The following UNC5D variants were observed in gnomAD, a reference collection of about 807,000 sequenced individuals.
UNC5D encodes the protein netrin receptor UNC5D.
UNC5D carries 39 observed loss-of-function variants against 105.4 expected under a neutral mutation model. That is an observed-to-expected ratio of 0.37 (90% confidence interval 0.29 to 0.48). UNC5D has a LOEUF of 0.48. Ranked by LOEUF, UNC5D falls within the 20% of genes least tolerant of loss-of-function variation. UNC5D has a pLI of 0.98. For missense variants in UNC5D, 991 were observed against 1,202.4 expected, an observed-to-expected ratio of 0.82 and a Z score of 2.60; for synonymous variants, 452 against 450.4, an observed-to-expected ratio of 1.00 and a Z score of -0.04.
At chr8:35,287,756 A>G (rs573137307) in intron 1 of UNC5D, among the ~76,000 whole-genome samples, 3 of 152,208 alleles carry the variant, frequency 2.0e-5, no homozygotes, top group East Asian at 1.9e-4. Flanking sequence ...GCAGTGAGCT[A>G]TGATTGCACC....
intron 16 of UNC5D, among the ~76,000 whole-genome samples, chr8:35,778,075 T>C (rs1341879724): frequency 6.6e-6 from 1 of 152,208 alleles, no homozygotes; most frequent in Non-Finnish European, 1.5e-5. Flanking sequence ...ATTTCCAAAA[T>C]ATCAGCCTTC....
At chr8:35,591,062 C>T (rs573870756) in intron 3 of UNC5D, among the ~76,000 whole-genome samples, 1 of 152,254 alleles carries the variant, frequency 6.6e-6, no homozygotes, top group Non-Finnish European at 1.5e-5. Context: ...AAACCGACAA[C>T]TTCCAAATAC....
chr8:35,561,014 A>G (rs990101643), intron 2 of UNC5D, among the ~76,000 whole-genome samples: 2 of 152,156 alleles, frequency 1.3e-5, no homozygotes, highest in African/African-American at 4.8e-5. Context: ...CCAAAGCACA[A>G]TGTGCAGTTC....
intron 1 of UNC5D, among the ~76,000 whole-genome samples, chr8:35,539,467 T>C (rs1277010696): frequency 1.3e-5 from 2 of 152,194 alleles, no homozygotes; most frequent in African/African-American, 2.4e-5. Context: ...CAAAAGTTAG[T>C]TGTCAATTTA....
At chr8:35,299,265 A>C (rs1050177134) in intron 1 of UNC5D, among the ~76,000 whole-genome samples, 2 of 152,198 alleles carry the variant, frequency 1.3e-5, no homozygotes, top group Non-Finnish European at 2.9e-5. Flanking sequence ...CAAACTGGCA[A>C]CGTTGGAAAC....
At chr8:35,463,001 C>G (rs1263243748) in intron 1 of UNC5D, among the ~76,000 whole-genome samples, 1 of 152,222 alleles carries the variant, frequency 6.6e-6, no homozygotes, top group Non-Finnish European at 1.5e-5. Context: ...ACACCACACT[C>G]TTATGTAATC....
chr8:35,245,205 A>G (rs1022092576), intron 1 of UNC5D, among the ~76,000 whole-genome samples: 54 of 152,294 alleles, frequency 3.5e-4, no homozygotes, highest in African/African-American at 1.3e-3. Context: ...AAAGCAGTTT[A>G]GTGGCACAAT....
chr8:35,675,083 A>G (rs544718584), intron 4 of UNC5D, among the ~76,000 whole-genome samples: 1 of 152,298 alleles, frequency 6.6e-6, no homozygotes, highest in South Asian at 2.1e-4. Context: ...TAATTCACAA[A>G]TCTTAAGTGA....
chr8:35,669,815 G>GA (rs200271831), intron 4 of UNC5D, among the ~76,000 whole-genome samples: 9 of 151,292 alleles, frequency 5.9e-5, no homozygotes, highest in Admixed American at 4.6e-4. Flanking sequence ...TATTTATGCA[G>GA]AAAAAAAAAT....
intron 16 of UNC5D, among the ~76,000 whole-genome samples, chr8:35,784,277 A>G (rs1802638490): frequency 6.6e-6 from 1 of 152,188 alleles, no homozygotes; most frequent in South Asian, 2.1e-4. Context: ...ATGAACTTAC[A>G]TAGATGAATG....
intron 9 of UNC5D, among the ~76,000 whole-genome samples, chr8:35,723,625 C>T (rs1563706593): frequency 6.6e-6 from 1 of 152,016 alleles, no homozygotes; most frequent in Admixed American, 6.6e-5. Context: ...AGGTTGGTCT[C>T]GAACTCCTGG....
At chr8:35,413,310 T>G (rs1368131346) in intron 1 of UNC5D, among the ~76,000 whole-genome samples, 29 of 95,146 alleles carry the variant, frequency 3.0e-4, no homozygotes, top group African/African-American at 1.0e-3. Flanking sequence ...GTGTGTGTGT[T>G]TTCTCTCTTC....
Position 35,794,476 on chromosome 8 carries a change from G to C in UNC5D, c.*3913G>C, listed in dbSNP as rs1803180487. 1 of 152,560 alleles carries C rather than the reference G, an allele frequency of 6.6e-6. No individual in the cohort carries two copies. The allele number at this position is 152,560 out of a possible 1,614,324, so 9.5% of individuals were successfully genotyped here. A position where few individuals can be genotyped will look rare whatever the true frequency, so the allele number is the denominator to read the frequency against. On this transcript the variant is annotated 3_prime_UTR_variant, in exon 17 of 17. Coordinates refer to ENST00000404895, the MANE Select transcript of UNC5D (RefSeq NM_080872.4). ...AGCAAAATGTTGGCCTACAGAGAAT[G>C]ACACAATTTTATTCGCCTTTGGTGT...
chr8:35,292,859 G>A (rs1297753886), intron 1 of UNC5D, among the ~76,000 whole-genome samples: 1 of 151,436 alleles, frequency 6.6e-6, no homozygotes, highest in Non-Finnish European at 1.5e-5. Flanking sequence ...TGGGATTACA[G>A]GCATGTGCCA....
intron 1 of UNC5D, among the ~76,000 whole-genome samples, chr8:35,367,393 A>G (rs1248358392): frequency 1.3e-5 from 2 of 152,136 alleles, no homozygotes; most frequent in African/African-American, 4.8e-5. Context: ...TTGACTTCAG[A>G]TATACTTTTT....
At chr8:35,366,443 T>C (rs1802131459) in intron 1 of UNC5D, among the ~76,000 whole-genome samples, 1 of 152,110 alleles carries the variant, frequency 6.6e-6, no homozygotes, top group Admixed American at 6.6e-5. Flanking sequence ...TAGATGTAAC[T>C]TCTCAGGCAG....
intron 1 of UNC5D, among the ~76,000 whole-genome samples, chr8:35,275,787 C>T (rs2128841880): frequency 6.6e-6 from 1 of 152,262 alleles, no homozygotes; most frequent in Non-Finnish European, 1.5e-5. Flanking sequence ...ATTGATTTGC[C>T]TTTAACTTCA....
At chr8:35,706,515 A>G (rs1482217753) in intron 8 of UNC5D, among the ~76,000 whole-genome samples, 1 of 152,134 alleles carries the variant, frequency 6.6e-6, no homozygotes, top group Non-Finnish European at 1.5e-5. Context: ...GCAGAGCTGG[A>G]GAGAGGAGAT....
intron 1 of UNC5D, among the ~76,000 whole-genome samples, chr8:35,445,937 A>G (rs1156361379): frequency 1.3e-5 from 2 of 152,106 alleles, no homozygotes; most frequent in Non-Finnish European, 2.9e-5. Flanking sequence ...TATGATGATT[A>G]TAATTTTATA....
Sources: allele counts gnomAD v4.1 joint callset (sites outside exome capture counted in the v4.1 genomes callset), GRCh38; gene constraint gnomAD v4.1.1; transcripts MANE v1.5; gene names NCBI Gene and HGNC (gene_info 2026-07-23, HGNC 2026-07-21).